The following STK32A variants were observed in gnomAD, a reference collection of about 807,000 sequenced individuals.
STK32A encodes the protein serine/threonine kinase 32A.
A neutral mutation model predicts 53.2 loss-of-function variants in STK32A; 41 were observed. That is an observed-to-expected ratio of 0.77 (90% CI 0.60 to 1.00). The LOEUF is 1.00. STK32A is among the 50% of genes least tolerant of loss of function. STK32A has a pLI of 0.00. For synonymous variants in STK32A, 166 were observed against 162.8 expected (o/e 1.02, Z -0.15); for missense variants, 458 against 485.8 (o/e 0.94, Z 0.54).
At chr5:147,401,602 C>G in the STK32A span, 7 of 1,613,840 alleles carry the variant, frequency 4.3e-6, no homozygotes, top group Non-Finnish European at 5.9e-6. Context: ...GTGGGGATGT[C>G]ACAAATGCAG....
Position 147,387,184 on chromosome 5 carries a change from T to C in STK32A, c.*3201T>C, listed in dbSNP as rs997634884. Reference sequence around the variant, plus strand: ...CTGCCCACCTCCAGTACACCCTCAGTGACCTCGAGTAGATGCGTAGGGCAG... The same window carrying C: ...CTGCCCACCTCCAGTACACCCTCAGCGACCTCGAGTAGATGCGTAGGGCAG... On this transcript the variant is annotated 3_prime_UTR_variant, in exon 13 of 13. Transcript: ENST00000397936. The C allele has an allele frequency of 1.3e-4, 20 of 152,360 alleles. No individual in the cohort carries two copies. The highest frequency in any genetic ancestry group is 4.8e-4 in the African/African-American group (20 of 41,574). The allele number at this position is 152,360 out of a possible 1,614,324, so 9.4% of individuals were successfully genotyped here.
intron 4 of STK32A, among the ~76,000 whole-genome samples, chr5:147,293,479 T>TAAAA (rs57835374): frequency 9.4e-6 from 1 of 106,846 alleles, no homozygotes; most frequent in Non-Finnish European, 1.8e-5. Flanking sequence ...TATTTCGAGG[T>TAAAA]AAAAAAAAAA....
At chr5:147,273,599 G>A (rs533341223) in intron 2 of STK32A, among the ~76,000 whole-genome samples, 5 of 152,280 alleles carry the variant, frequency 3.3e-5, no homozygotes, top group Middle Eastern at 3.4e-3. Flanking sequence ...ACTTGCTAAT[G>A]AGCAGAGTGT....
chr5:147,386,089 T>C lies in STK32A; in HGVS notation c.*2106T>C, dbSNP rs1296241857. On this transcript the variant is annotated 3_prime_UTR_variant, in exon 13 of 13. Coordinates refer to ENST00000397936, the MANE Select transcript of STK32A (RefSeq NM_001112724.2). ...GGGCAGAGCTGTGAAATAGTGCTTC[T>C]CTAATAGCAACCATATTATTGTTAC... 6.6e-6 allele frequency: 1 copy of C among 152,218 alleles called. No homozygotes were observed. The highest frequency in any genetic ancestry group is 2.4e-5 in the African/African-American group (1 of 41,440). 9.4% of individuals were successfully genotyped at this position (152,218 alleles called of 1,614,324 possible). A position where few individuals can be genotyped will look rare whatever the true frequency, so the allele number is the denominator to read the frequency against.
chr5:147,327,793 G>A (rs978122919), intron 5 of STK32A, among the ~76,000 whole-genome samples: 4 of 152,040 alleles, frequency 2.6e-5, no homozygotes, highest in African/African-American at 9.7e-5. Context: ...TTTAGGAAAT[G>A]CAGAGCTCTT....
At chr5:147,299,382 A>G (rs1753021576) in intron 4 of STK32A, among the ~76,000 whole-genome samples, 1 of 152,116 alleles carries the variant, frequency 6.6e-6, no homozygotes, top group African/African-American at 2.4e-5. Flanking sequence ...GAAGGTCTTC[A>G]TGACCCGTAT....
chr5:147,395,420 A>G, the STK32A span: 1 of 1,043,406 alleles, frequency 9.6e-7, no homozygotes, highest in Non-Finnish European at 1.4e-6. Flanking sequence ...TTGCCCCAGT[A>G]ACCTTCTCCC....
rs369252749 is a variant in STK32A at position 147,252,901 on chromosome 5, C to T, written c.52+13215C>T. 5.9e-5 allele frequency among the ~76,000 whole-genome samples: 9 copies of T among 152,256 alleles called. No homozygotes were observed. The East Asian group carries it at 1.7e-3, about 29-fold the overall frequency. ...TTGTTCACTTTTGTATCCTTAGCAC[C>T]TACTTTGTTGATTAAGTGAATGCAT... On this transcript the variant is annotated intron_variant, in intron 2 of 12. Coordinates refer to ENST00000397936, the MANE Select transcript of STK32A (RefSeq NM_001112724.2).
intron 4 of STK32A, among the ~76,000 whole-genome samples, chr5:147,299,086 CAAGTTTATTAAGA>C (rs1753005357): frequency 1.3e-5 from 2 of 152,166 alleles, no homozygotes; most frequent in South Asian, 4.2e-4. Context: ...AAGGTGAAAG[CAAGTTTATTAAGA>C]AAGTAAAGGA....
chr5:147,238,095 C>G (rs186841555), intron 1 of STK32A, among the ~76,000 whole-genome samples: 17 of 152,314 alleles, frequency 1.1e-4, no homozygotes, highest in Admixed American at 5.9e-4. Flanking sequence ...TATCCATGAC[C>G]ATATATGTGC....
At chr5:147,317,921 TA>T (rs1295383917) in intron 4 of STK32A, among the ~76,000 whole-genome samples, 1 of 152,184 alleles carries the variant, frequency 6.6e-6, no homozygotes, top group African/African-American at 2.4e-5. Flanking sequence ...AATAAGGCAA[TA>T]TGTATTAGAT....
the STK32A span, among the ~76,000 whole-genome samples, chr5:147,401,382 G>A: frequency 6.6e-6 from 1 of 152,198 alleles, no homozygotes; most frequent in Admixed American, 6.5e-5. Flanking sequence ...GGAAGAGCCT[G>A]CTTTCTACGC....
intron 8 of STK32A, among the ~76,000 whole-genome samples, chr5:147,366,014 A>G (rs1417627277): frequency 6.6e-6 from 1 of 151,808 alleles, no homozygotes; most frequent in African/African-American, 2.4e-5. Context: ...AAAAGAAACT[A>G]CTGTTGCTCC....
At chr5:147,381,244 C>T (rs758883338) in intron 11 of STK32A, among the ~76,000 whole-genome samples, 2 of 152,150 alleles carry the variant, frequency 1.3e-5, no homozygotes, top group Non-Finnish European at 2.9e-5. Flanking sequence ...TTCTGGCCTC[C>T]AAAGTTTCTG....
chr5:147,352,297 G>A (rs1485750295), intron 7 of STK32A, among the ~76,000 whole-genome samples: 1 of 152,212 alleles, frequency 6.6e-6, no homozygotes, highest in Non-Finnish European at 1.5e-5. Flanking sequence ...ATTATTTTGT[G>A]TGTAGCGAGG....
chr5:147,337,245 A>C (rs1227439033), intron 5 of STK32A, among the ~76,000 whole-genome samples: 1 of 152,198 alleles, frequency 6.6e-6, no homozygotes, highest in Non-Finnish European at 1.5e-5. Flanking sequence ...CCAAGATGCA[A>C]TGAAGAATTT....
At chr5:147,319,303 C>T (rs1038642833) in intron 4 of STK32A, among the ~76,000 whole-genome samples, 3 of 151,948 alleles carry the variant, frequency 2.0e-5, no homozygotes, top group Non-Finnish European at 4.4e-5. Flanking sequence ...CCACCACCCC[C>T]GGCTAATTTT....
chr5:147,354,677 T>A (rs924488374), intron 7 of STK32A, among the ~76,000 whole-genome samples: 1 of 152,166 alleles, frequency 6.6e-6, no homozygotes, highest in Admixed American at 6.5e-5. Context: ...TACTTTATAA[T>A]GAGAAAAATC....
At chr5:147,268,965 T>C (rs1258686422) in intron 2 of STK32A, among the ~76,000 whole-genome samples, 1 of 152,138 alleles carries the variant, frequency 6.6e-6, no homozygotes, top group African/African-American at 2.4e-5. Context: ...TTGTGCAAGA[T>C]TGATTATGTG....
Sources: allele counts gnomAD v4.1 joint callset (sites outside exome capture counted in the v4.1 genomes callset), GRCh38; gene constraint gnomAD v4.1.1; transcripts MANE v1.5; gene names NCBI Gene and HGNC (gene_info 2026-07-23, HGNC 2026-07-21).